The following RAB8B variants were observed in gnomAD, a reference collection of about 807,000 sequenced individuals.
RAB8B encodes ras-related protein Rab-8B.
Under a neutral mutation model 32.0 loss-of-function variants are expected in RAB8B, and 11 were observed. The observed-to-expected ratio is 0.34, with a 90% CI of 0.22 to 0.57. The LOEUF is 0.57. RAB8B is among the 20% of genes least tolerant of loss of function. The pLI, the probability that RAB8B is intolerant of heterozygous loss-of-function variation, is 0.86. For synonymous variants in RAB8B, 103 were observed against 89.6 expected, an observed-to-expected ratio of 1.15 and a Z score of -0.85; for missense variants, 190 against 258.5, an observed-to-expected ratio of 0.73 and a Z score of 1.82.
rs1039470876 is a variant in RAB8B, at chr15:63,267,411, A to T, written c.*3792A>T. 3 of 152,542 alleles carry T rather than the reference A, an allele frequency of 2.0e-5. No homozygotes were observed. Among genetic ancestry groups the T allele is most frequent in the Admixed American group, 1.3e-4 (2 of 15,284 alleles). 9.4% of individuals were successfully genotyped at this position (152,542 alleles called of 1,614,324 possible). The stretch of plus-strand genomic sequence containing the variant: ...TTTTTAAAATGTGAATTTAGTTATT[A>T]TAGTTCAATTTTATGGCCTTACAGA... On this transcript the variant is annotated 3_prime_UTR_variant, in exon 8 of 8. Transcript: ENST00000321437.
At position 63,252,102 on chromosome 15, in the gene RAB8B, C is replaced by T. The variant is rs116284087; in HGVS notation, c.246+2397C>T. Among the ~76,000 whole-genome samples, 449 of 151,768 alleles carry T rather than the reference C, an allele frequency of 3.0e-3. 5 individuals are homozygous for T. Among genetic ancestry groups the T allele is most frequent in the African/African-American group, 0.011 (436 of 41,352 alleles). On this transcript the variant is annotated intron_variant, in intron 3 of 7. Coordinates refer to ENST00000321437, the MANE Select transcript of RAB8B (RefSeq NM_016530.3). Reference sequence around the variant, plus strand: ...CACCATCTTCTGAATTCTTAGGAAGCTATTCTTCTTGTAGATATATACTAG... The same window carrying T: ...CACCATCTTCTGAATTCTTAGGAAGTTATTCTTCTTGTAGATATATACTAG...
intron 1 of RAB8B, among the ~76,000 whole-genome samples, chr15:63,233,055 CT>C (rs752891283): frequency 4.9e-5 from 7 of 141,538 alleles, no homozygotes; most frequent in African/African-American, 7.8e-5. Flanking sequence ...AAGTAGCATT[CT>C]TTTTTTTTTT....
At position 63,233,124 on chromosome 15, in the gene RAB8B, A is replaced by C. The variant is rs186436368; in HGVS notation, c.125-11632A>C. On this transcript the variant is annotated intron_variant, in intron 1 of 7. Transcript: ENST00000321437. ...AGGGCTGGGGAGTGGTGGCGCAATG[A>C]TCATAGCTCACTGCAGCCTTTAACT... 3.1e-3 allele frequency among the ~76,000 whole-genome samples: 464 copies of C among 148,958 alleles called. 2 individuals carry two copies. The highest frequency in any genetic ancestry group is 5.3e-3 in the Non-Finnish European group (358 of 67,568).
intron 1 of RAB8B, among the ~76,000 whole-genome samples, chr15:63,239,411 T>G (rs939731465): frequency 5.0e-4 from 26 of 51,972 alleles, no homozygotes; most frequent in Non-Finnish European, 8.4e-4. Flanking sequence ...ATTTCCGAAG[T>G]TTTTTTTTTT....
At chr15:63,207,294 C>T (rs565645762) in intron 1 of RAB8B, among the ~76,000 whole-genome samples, 8 of 152,250 alleles carry the variant, frequency 5.3e-5, no homozygotes, top group South Asian at 2.1e-4. Flanking sequence ...GTGCGGGGCA[C>T]GTATAAGTGC....
intron 1 of RAB8B, among the ~76,000 whole-genome samples, chr15:63,192,038 C>T (rs1257557387): frequency 6.6e-6 from 1 of 152,138 alleles, no homozygotes; most frequent in Non-Finnish European, 1.5e-5. Context: ...GGAGGTGAAT[C>T]TCATGTGACA....
intron 1 of RAB8B, chr15:63,223,020 ACT>A (rs1187455881): frequency 2.2e-6 from 1 of 455,406 alleles, no homozygotes; most frequent in African/African-American, 2.0e-5. Context: ...TTCACTCATC[ACT>A]CTCTCATTGA....
At chr15:63,223,291 T>C (rs1432492924) in intron 1 of RAB8B, among the ~76,000 whole-genome samples, 2 of 152,044 alleles carry the variant, frequency 1.3e-5, no homozygotes, top group Non-Finnish European at 2.9e-5. Context: ...TTTGTATTTT[T>C]AGTAGAGACG....
At chr15:63,234,007 A>C (rs2037957294) in intron 1 of RAB8B, among the ~76,000 whole-genome samples, 1 of 152,196 alleles carries the variant, frequency 6.6e-6, no homozygotes, top group Admixed American at 6.5e-5. Context: ...GACTGCAGCC[A>C]AATTAGTCTT....
intron 1 of RAB8B, among the ~76,000 whole-genome samples, chr15:63,194,074 G>A (rs2141104853): frequency 6.6e-6 from 1 of 152,188 alleles, no homozygotes; most frequent in Middle Eastern, 3.4e-3. Flanking sequence ...CCGTCTCTCT[G>A]CTGCCCTGCC....
At chr15:63,242,440 C>T (rs879714720) in intron 1 of RAB8B, among the ~76,000 whole-genome samples, 4 of 152,016 alleles carry the variant, frequency 2.6e-5, no homozygotes, top group Admixed American at 6.6e-5. Context: ...TTTGGGAGGC[C>T]GAGGCGGGTG....
In RAB8B at chr15:63,263,591, C is replaced by T; in HGVS notation, c.596C>T (p.Thr199Ile). The T allele has an allele frequency of 6.2e-7, 1 of 1,611,874 alleles. No individual in the cohort carries two copies. The highest frequency in any genetic ancestry group is 8.5e-7 in the Non-Finnish European group (1 of 1,177,942). ...VKITENRSKK[T>I]SFFRCSLL is the part of the protein sequence containing the mutation. Reference sequence around the variant, plus strand: ...ATAACAGAAAACCGATCAAAGAAGACCAGTTTCTTTCGTTGCTCGCTACTT... The same window carrying T: ...ATAACAGAAAACCGATCAAAGAAGATCAGTTTCTTTCGTTGCTCGCTACTT... Residue 199 changes from threonine to isoleucine, a missense_variant, in exon 8 of 8, where the codon ACC becomes ATC. Thr to Ile is a moderately conservative substitution (Grantham distance 89). This residue lies in a region of RAB8B where 110 missense variants were observed against 115.9 expected (regional missense o/e 0.95). Transcript: ENST00000321437.
At chr15:63,217,976 C>T (rs911165134) in intron 1 of RAB8B, among the ~76,000 whole-genome samples, 14 of 152,162 alleles carry the variant, frequency 9.2e-5, no homozygotes, top group South Asian at 4.1e-4. Context: ...CCAAACTAAG[C>T]GAAGCTGCCA....
intron 1 of RAB8B, among the ~76,000 whole-genome samples, chr15:63,220,386 T>G (rs772001329): frequency 6.6e-6 from 1 of 152,222 alleles, no homozygotes; most frequent in Non-Finnish European, 1.5e-5. Context: ...TTTAGGCCGG[T>G]GTTTTTAATA....
rs373990936 is a variant in RAB8B at position 63,202,547 on chromosome 15, C to CT, written c.124+12802dup. Among the ~76,000 whole-genome samples the CT allele has an allele frequency of 4.3e-3, 656 of 152,312 alleles. 3 individuals carry two copies. The highest frequency in any genetic ancestry group is 0.015 in the African/African-American group (633 of 41,560). Reference sequence around the variant, plus strand: ...ACAGAGTTTAATTATGAATCTGACTCTTTCGTGAAAAGGAAACTAATTGTA... The same window carrying CT: ...ACAGAGTTTAATTATGAATCTGACTCTTTTCGTGAAAAGGAAACTAATTGTA... On this transcript the variant is annotated intron_variant, in intron 1 of 7. Coordinates refer to ENST00000321437, the MANE Select transcript of RAB8B (RefSeq NM_016530.3).
chr15:63,205,527 C>T (rs186430178), intron 1 of RAB8B, among the ~76,000 whole-genome samples: 277 of 152,006 alleles, frequency 1.8e-3, no homozygotes, highest in African/African-American at 6.2e-3. Flanking sequence ...TACTCACACA[C>T]ACACGGGATG....
intron 6 of RAB8B, among the ~76,000 whole-genome samples, chr15:63,260,586 A>G (rs1425158036): frequency 2.0e-5 from 3 of 152,188 alleles, no homozygotes; most frequent in Non-Finnish European, 2.9e-5. Flanking sequence ...CCTAACGTAG[A>G]TGACTGGTTG....
At chr15:63,231,399 A>C (rs982555540) in intron 1 of RAB8B, among the ~76,000 whole-genome samples, 1 of 152,072 alleles carries the variant, frequency 6.6e-6, no homozygotes, top group African/African-American at 2.4e-5. Flanking sequence ...ATTGGAATGT[A>C]GTTGTAATTT....
intron 6 of RAB8B, 38 bp from the exon 7 acceptor site, chr15:63,262,654 G>A: frequency 1.3e-6 from 1 of 748,688 alleles, no homozygotes; most frequent in Non-Finnish European, 1.9e-6. Context: ...TATATATAGT[G>A]AATATATAAT....
Sources: gnomAD v4.1 joint callset for allele counts (sites outside exome capture counted in the v4.1 genomes callset) on GRCh38, gnomAD v4.1.1 for gene constraint, gnomAD v4.1.1 regional missense constraint, MANE v1.5 for transcripts, NCBI Gene and HGNC (gene_info 2026-07-23, HGNC 2026-07-21) for gene names.